The following CUEDC2 variants were observed in gnomAD, a reference collection of about 807,000 sequenced individuals.
The protein encoded by CUEDC2 is CUE domain-containing protein 2.
CUEDC2 carries 10 observed loss-of-function variants against 36.0 expected under a neutral mutation model. That is an observed-to-expected ratio of 0.28 (90% CI 0.17 to 0.47). The LOEUF (loss-of-function observed/expected upper bound fraction) is 0.47, where lower values mean the gene tolerates loss of function less well. CUEDC2 is among the 20% of genes least tolerant of loss of function. The pLI, the probability that CUEDC2 is intolerant of heterozygous loss-of-function variation, is 0.99. For synonymous variants in CUEDC2, 133 were observed against 141.8 expected (o/e 0.94, Z 0.44); for missense variants, 269 against 368.1 (o/e 0.73, Z 2.20).
Position 102,425,161 on chromosome 10 carries a change from C to T in CUEDC2, c.28G>A (p.Ala10Thr). 2 of 1,613,890 alleles carry T rather than the reference C, an allele frequency of 1.2e-6. No homozygotes were observed. Among genetic ancestry groups the T allele is most frequent in the Non-Finnish European group, 1.7e-6 (2 of 1,179,938 alleles). ...TGTGTCTGGACAAAGGCAAGGAGGGCTGCACTGACGATCCTCTCCAGCTCC... is the reference window on the plus strand; with the variant it reads ...TGTGTCTGGACAAAGGCAAGGAGGGTTGCACTGACGATCCTCTCCAGCTCC... MELERIVSA[A>T]LLAFVQTHLP... Residue 10 changes from alanine (A) to threonine (T), a missense_variant, in exon 2 of 9, where the codon GCC (alanine) becomes ACC (threonine). By Grantham distance (58) the Ala-to-Thr change is moderately conservative. Transcript: ENST00000369937.
At chr10:102,426,700 C>T (rs568249003) in intron 1 of CUEDC2, among the ~76,000 whole-genome samples, 3 of 152,012 alleles carry the variant, frequency 2.0e-5, no homozygotes, top group South Asian at 2.1e-4. Flanking sequence ...GGTATGATCT[C>T]GGCTCACTGC....
intron 1 of CUEDC2, among the ~76,000 whole-genome samples, chr10:102,427,621 A>G (rs2061602079): frequency 6.6e-6 from 1 of 151,894 alleles, no homozygotes; most frequent in Non-Finnish European, 1.5e-5. Context: ...ATCTCTTGCC[A>G]CATCTATTTC....
In CUEDC2 at chr10:102,424,916, CAG is replaced by C. The variant is rs2135470895; in HGVS notation, c.75-126_75-125del. 4.5e-6 allele frequency: 5 copies of C among 1,114,636 alleles called. No individual in the cohort carries two copies. The highest frequency in any genetic ancestry group is 4.5e-5 in the South Asian group (3 of 67,060). 69.0% of individuals were successfully genotyped at this position (1,114,636 alleles called of 1,614,324 possible). A position where few individuals can be genotyped will look rare whatever the true frequency, so the allele number is the denominator to read the frequency against. On this transcript the variant is annotated intron_variant, in intron 2 of 8. Coordinates refer to ENST00000369937, the MANE Select transcript of CUEDC2 (RefSeq NM_024040.3). The surrounding 1 kb of genome is among the most constrained non-coding windows in gnomAD (Gnocchi z 4.2). ...TGAGCTAGACCTTTATCTTTAAGGCCAGAGAGTATAACCCCCTCCCTCAGAGC... is the reference window on the plus strand; with the variant it reads ...TGAGCTAGACCTTTATCTTTAAGGCCAGAGTATAACCCCCTCCCTCAGAGC...
chr10:102,426,409 G>A (rs2061596705), intron 1 of CUEDC2, among the ~76,000 whole-genome samples: 1 of 152,068 alleles, frequency 6.6e-6, no homozygotes, highest in Non-Finnish European at 1.5e-5. Flanking sequence ...CTACTGATCT[G>A]CGCACATCCC....
Position 102,424,480 on chromosome 10 carries a change from C to G in CUEDC2, c.280+19G>C. ...AGCGGGATTATGAATCACTCAGGTG[C>G]CCAGAGCCCCAGACTCACCTTTGTT... On this transcript the variant is annotated intron_variant, in intron 4 of 8. Transcript: ENST00000369937. This position sits in a 1 kb window ranked among gnomAD's most constrained non-coding sequence, Gnocchi z 4.2. 1 of 1,614,052 alleles carries G rather than the reference C, an allele frequency of 6.2e-7. No individual in the cohort carries two copies. The highest frequency in any genetic ancestry group is 2.2e-5 in the East Asian group (1 of 44,878).
intron 1 of CUEDC2, among the ~76,000 whole-genome samples, chr10:102,428,893 G>T (rs182370017): frequency 2.0e-5 from 3 of 151,820 alleles, no homozygotes; most frequent in African/African-American, 7.3e-5. Flanking sequence ...GTGGTGGCAC[G>T]CGCCTGTAGT....
Position 102,423,266 on chromosome 10 carries a change from A to T in CUEDC2, c.*160T>A. The T allele has an allele frequency of 1.1e-6, 1 of 944,382 alleles. No individual in the cohort carries two copies. The highest frequency in any genetic ancestry group is 1.6e-6 in the Non-Finnish European group (1 of 620,060). The allele number at this position is 944,382 out of a possible 1,614,324, so 58.5% of individuals were successfully genotyped here. On this transcript the variant is annotated 3_prime_UTR_variant, in exon 9 of 9. Coordinates refer to ENST00000369937, the MANE Select transcript of CUEDC2 (RefSeq NM_024040.3). The surrounding 1 kb of genome is among the most constrained non-coding windows in gnomAD (Gnocchi z 5.6). Reference sequence around the variant, plus strand: ...CTCACACCTTCCTTGGGCCACCTTTACTGTGCCCATGGAGGCAGCTCCGAG... The same window carrying T: ...CTCACACCTTCCTTGGGCCACCTTTTCTGTGCCCATGGAGGCAGCTCCGAG...
intron 1 of CUEDC2, among the ~76,000 whole-genome samples, chr10:102,432,300 A>G (rs1167445567): frequency 1.3e-5 from 2 of 152,210 alleles, no homozygotes; most frequent in African/African-American, 2.4e-5. Flanking sequence ...CGTCCAGAAT[A>G]GTGGGCCCGA....
intron 1 of CUEDC2, among the ~76,000 whole-genome samples, chr10:102,431,703 C>T (rs1349279040): frequency 6.6e-6 from 1 of 152,198 alleles, no homozygotes; most frequent in African/African-American, 2.4e-5. Flanking sequence ...CAGCCCAGAG[C>T]ATCTGTCCCT....
chr10:102,429,719 C>T (rs937959880), intron 1 of CUEDC2, among the ~76,000 whole-genome samples: 7 of 149,890 alleles, frequency 4.7e-5, no homozygotes, highest in African/African-American at 1.5e-4. Flanking sequence ...GGACCTACCT[C>T]GACCCTGGGT....
intron 2 of CUEDC2, 50 bp downstream of exon 2, chr10:102,425,065 C>A: frequency 6.7e-7 from 1 of 1,495,392 alleles, no homozygotes; most frequent in Non-Finnish European, 9.3e-7. Context: ...TACTGCCCGG[C>A]AGCTCCAGCT....
In CUEDC2 at chr10:102,432,014, T is replaced by TC. The variant is rs75659956; in HGVS notation, c.-11+511dup. Among the ~76,000 whole-genome samples the TC allele has an allele frequency of 7.1e-3, 1,078 of 152,022 alleles. 42 individuals are homozygous for TC. In the East Asian group the frequency reaches 0.091, roughly 13 times the overall value. ...AACTTCTCAGGGAGGCAGCAAGGGGTCTAGCATGGAAGGTCTTCACTGCTT... is the reference window on the plus strand; with the variant it reads ...AACTTCTCAGGGAGGCAGCAAGGGGTCCTAGCATGGAAGGTCTTCACTGCTT... On this transcript the variant is annotated intron_variant, in intron 1 of 8. Transcript: ENST00000369937.
Position 102,424,884 on chromosome 10 carries a change from G to A in CUEDC2, c.75-92C>T. The A allele has an allele frequency of 7.3e-7, 1 of 1,368,644 alleles. No homozygotes were observed. The highest frequency in any genetic ancestry group is 1.0e-6 in the Non-Finnish European group (1 of 990,732). The allele number at this position is 1,368,644 out of a possible 1,614,324, so 84.8% of individuals were successfully genotyped here. On this transcript the variant is annotated intron_variant, in intron 2 of 8. Transcript: ENST00000369937. This position sits in a 1 kb window ranked among gnomAD's most constrained non-coding sequence, Gnocchi z 4.2. ...TGAGACTCCAGCCCTCAGCTTCATG[G>A]GGTCTATGAGCTAGACCTTTATCTT...
rs1048603949 is a variant in CUEDC2, at chr10:102,425,189, G to A, written c.-1C>T. 5.6e-6 allele frequency: 9 copies of A among 1,613,184 alleles called. No homozygotes were observed. The highest frequency in any genetic ancestry group is 7.6e-6 in the Non-Finnish European group (9 of 1,179,428). ...CACTGACGATCCTCTCCAGCTCCAT[G>A]CTCTCTCTTCTGAAGGGACACAGAC... is the stretch of plus-strand genomic sequence containing the variant. On this transcript the variant is annotated 5_prime_UTR_variant, in exon 2 of 9. Transcript: ENST00000369937.
Position 102,423,356 on chromosome 10 carries a change from A to C in CUEDC2, c.*70T>G. On this transcript the variant is annotated 3_prime_UTR_variant, in exon 9 of 9. Coordinates refer to ENST00000369937, the MANE Select transcript of CUEDC2 (RefSeq NM_024040.3). The surrounding 1 kb of genome is among the most constrained non-coding windows in gnomAD (Gnocchi z 5.6). Reference sequence around the variant, plus strand: ...GACAGGAGTTAGGGGGCCCCTGTGTAGGGGTATAGGGCTCCTGCATCCCTC... The same window carrying C: ...GACAGGAGTTAGGGGGCCCCTGTGTCGGGGTATAGGGCTCCTGCATCCCTC... 6.3e-7 allele frequency: 1 copy of C among 1,593,542 alleles called. No individual in the cohort carries two copies. Among genetic ancestry groups the C allele is most frequent in the Non-Finnish European group, 8.6e-7 (1 of 1,163,782 alleles).
chr10:102,425,182 G>T lies in CUEDC2; in HGVS notation c.7C>A (p.Leu3Met), dbSNP rs759596094. The T allele has an allele frequency of 3.7e-6, 6 of 1,613,558 alleles. No individual in the cohort carries two copies. Among genetic ancestry groups the T allele is most frequent in the Non-Finnish European group, 5.1e-6 (6 of 1,179,726 alleles). ...AGGGCTGCACTGACGATCCTCTCCA[G>T]CTCCATGCTCTCTCTTCTGAAGGGA... MELERIVSAALLA... is the reference protein window; with the variant it reads MEMERIVSAALLA... Residue 3 changes from leucine to methionine, a missense_variant, in exon 2 of 9, where the codon CTG becomes ATG. Coordinates refer to ENST00000369937, the MANE Select transcript of CUEDC2 (RefSeq NM_024040.3).
chr10:102,430,803 G>T (rs1335396821), intron 1 of CUEDC2, among the ~76,000 whole-genome samples: 1 of 152,198 alleles, frequency 6.6e-6, no homozygotes, highest in Non-Finnish European at 1.5e-5. Flanking sequence ...TGGTCTGCCA[G>T]ACTGGTTTCC....
rs2061589144 is a variant in CUEDC2, at chr10:102,424,619, TTCC to T, written c.218+27_218+29del. Reference sequence around the variant, plus strand: ...GCCCACCCCATAATCAGCCAGCCCCTTCCTCCTCCTGGCCCTAGCCAGAACCTA... The same window carrying T: ...GCCCACCCCATAATCAGCCAGCCCCTTCCTCCTGGCCCTAGCCAGAACCTA... On this transcript the variant is annotated intron_variant, in intron 3 of 8. Coordinates refer to ENST00000369937, the MANE Select transcript of CUEDC2 (RefSeq NM_024040.3). The surrounding 1 kb of genome is among the most constrained non-coding windows in gnomAD (Gnocchi z 4.2). The T allele has an allele frequency of 1.2e-6, 2 of 1,614,124 alleles. No individual in the cohort carries two copies. Among genetic ancestry groups the T allele is most frequent in the Non-Finnish European group, 8.5e-7 (1 of 1,179,970 alleles).
At chr10:102,428,177 G>A (rs2061604666) in intron 1 of CUEDC2, among the ~76,000 whole-genome samples, 1 of 151,980 alleles carries the variant, frequency 6.6e-6, no homozygotes, top group South Asian at 2.1e-4. Context: ...CTGACCTCAG[G>A]TGATCCACCT....
Sources: gnomAD v4.1 joint callset for allele counts (sites outside exome capture counted in the v4.1 genomes callset) on GRCh38, gnomAD v4.1.1 for gene constraint, Gnocchi (gnomAD v3.1) non-coding constraint, MANE v1.5 for transcripts, NCBI Gene and HGNC (gene_info 2026-07-23, HGNC 2026-07-21) for gene names.